The following MSRA variants were observed in gnomAD, a reference collection of about 807,000 sequenced individuals.
The protein encoded by MSRA is mitochondrial peptide methionine sulfoxide reductase.
In MSRA, 54 loss-of-function variants were observed where a neutral mutation model predicts 31.3. The ratio of observed to expected loss-of-function variants is 1.73; its 90% confidence interval spans 1.39 to 2.17. The LOEUF (loss-of-function observed/expected upper bound fraction) is 2.17. Among genes scored for constraint, MSRA ranks in the 30% most tolerant of loss-of-function variants. The pLI is 0.00. For missense variants in MSRA, 507 were observed against 300.9 expected (o/e 1.69, Z -5.07); for synonymous variants, 169 against 116.5 (o/e 1.45, Z -2.90).
At chr8:10,178,819 G>GAAATA (rs1281015603) in intron 1 of MSRA, among the ~76,000 whole-genome samples, 1 of 152,162 alleles carries the variant, frequency 6.6e-6, no homozygotes, top group East Asian at 1.9e-4. Flanking sequence ...AAGAGGCAGG[G>GAAATA]AAATAAAATA....
At chr8:10,169,544 T>C (rs1253163832) in intron 1 of MSRA, among the ~76,000 whole-genome samples, 2 of 152,242 alleles carry the variant, frequency 1.3e-5, no homozygotes, top group Non-Finnish European at 2.9e-5. Flanking sequence ...CAAAAATCTC[T>C]GTGACTTTGT....
chr8:10,218,324 T>G (rs1810186864), intron 2 of MSRA, among the ~76,000 whole-genome samples: 1 of 151,910 alleles, frequency 6.6e-6, no homozygotes, highest in African/African-American at 2.4e-5. Context: ...TTTTGTATTT[T>G]TAGTAGGGAT....
intron 3 of MSRA, among the ~76,000 whole-genome samples, chr8:10,264,304 A>G (rs541857772): frequency 6.6e-6 from 1 of 152,314 alleles, no homozygotes; most frequent in East Asian, 1.9e-4. Context: ...TTAACCTCCT[A>G]TACTATTAGG....
Position 10,210,719 on chromosome 8 carries a change from A to G in MSRA, c.211+2818A>G, listed in dbSNP as rs115482672. Among the ~76,000 whole-genome samples the G allele has an allele frequency of 4.8e-3, 721 of 151,426 alleles. 1 individual carries two copies. The highest frequency in any genetic ancestry group is 0.016 in the African/African-American group (672 of 40,966). ...TCTTCATATTTTGTGATAAAATAGT[A>G]TCACTAATTATAATGTCATTTTTTT... On this transcript the variant is annotated intron_variant, in intron 2 of 5. Coordinates refer to ENST00000317173, the MANE Select transcript of MSRA (RefSeq NM_012331.5).
intron 3 of MSRA, among the ~76,000 whole-genome samples, chr8:10,283,836 T>TATATATATACACAC (rs1261287031): frequency 5.1e-4 from 27 of 53,148 alleles, no homozygotes; most frequent in African/African-American, 6.1e-4. Context: ...TATATATATA[T>TATATATATACACAC]ACACACACAC....
chr8:10,358,947 A>G (rs1804678451), intron 5 of MSRA, among the ~76,000 whole-genome samples: 2 of 152,096 alleles, frequency 1.3e-5, no homozygotes, highest in Admixed American at 6.5e-5. Flanking sequence ...TCTAGGTTGT[A>G]CACTCCTTAT....
intron 5 of MSRA, among the ~76,000 whole-genome samples, chr8:10,415,736 C>G (rs7824225): frequency 0.5 from 75,840 of 151,304 alleles, 20,882 homozygotes; most frequent in Non-Finnish European, 0.63. Flanking sequence ...TCAGCACCCT[C>G]AGATACACCT....
rs563476607 is a variant in MSRA, at chr8:10,394,281, C to T, written c.544-33867C>T. Among the ~76,000 whole-genome samples, 12 of 152,258 alleles carry T rather than the reference C, an allele frequency of 7.9e-5. No homozygotes were observed. The East Asian group carries it at 1.7e-3, about 22-fold the overall frequency. On this transcript the variant is annotated intron_variant, in intron 5 of 5. Transcript: ENST00000317173. ...GCAGCCAGAACCCTGTAGTCCCCAG[C>T]GACGATAGTTTGTATTTTCAAATAC... is the stretch of plus-strand genomic sequence containing the variant.
At chr8:10,068,455 G>T (rs568376935) in intron 1 of MSRA, among the ~76,000 whole-genome samples, 1 of 152,176 alleles carries the variant, frequency 6.6e-6, no homozygotes, top group Non-Finnish European at 1.5e-5. Flanking sequence ...TTTGCATTTA[G>T]CTATGTGATC....
At chr8:10,206,486 T>C (rs1312037513) in intron 1 of MSRA, among the ~76,000 whole-genome samples, 1 of 152,226 alleles carries the variant, frequency 6.6e-6, no homozygotes, top group Non-Finnish European at 1.5e-5. Flanking sequence ...CCCTAAGGGC[T>C]ACAGGCAGCT....
chr8:10,197,820 G>A (rs1808125855), intron 1 of MSRA, among the ~76,000 whole-genome samples: 1 of 152,194 alleles, frequency 6.6e-6, no homozygotes, highest in Non-Finnish European at 1.5e-5. Flanking sequence ...GTTTATTCTG[G>A]AAGTCCCCGA....
intron 5 of MSRA, among the ~76,000 whole-genome samples, chr8:10,373,190 C>T (rs563254154): frequency 7.9e-5 from 12 of 152,220 alleles, no homozygotes; most frequent in Non-Finnish European, 1.8e-4. Context: ...CGCGCCCAGC[C>T]GCTAAGTGAT....
intron 2 of MSRA, among the ~76,000 whole-genome samples, chr8:10,213,818 A>G (rs895183497): frequency 2.0e-5 from 3 of 151,976 alleles, no homozygotes; most frequent in Non-Finnish European, 4.4e-5. Flanking sequence ...CGATACACTG[A>G]TTTCCTCTCT....
intron 4 of MSRA, among the ~76,000 whole-genome samples, chr8:10,305,854 G>A (rs1043286505): frequency 1.3e-5 from 2 of 152,154 alleles, no homozygotes; most frequent in Non-Finnish European, 2.9e-5. Context: ...GCCACTCCAC[G>A]GATTAGCCTA....
At chr8:10,171,974 G>T (rs904964979) in intron 1 of MSRA, among the ~76,000 whole-genome samples, 1 of 152,212 alleles carries the variant, frequency 6.6e-6, no homozygotes, top group Non-Finnish European at 1.5e-5. Context: ...GGAACCAGAG[G>T]AACTTAGGTT....
At chr8:10,067,355 A>C (rs1201988720) in intron 1 of MSRA, among the ~76,000 whole-genome samples, 1 of 152,196 alleles carries the variant, frequency 6.6e-6, no homozygotes, top group Non-Finnish European at 1.5e-5. Flanking sequence ...TGGATAGCCA[A>C]ATTTCTTTTT....
intron 1 of MSRA, among the ~76,000 whole-genome samples, chr8:10,159,211 G>C (rs1661703646): frequency 6.6e-6 from 1 of 152,196 alleles, no homozygotes; most frequent in Non-Finnish European, 1.5e-5. Flanking sequence ...TGTGAGGATT[G>C]GGGAGCGCTG....
rs891043070 is a variant in MSRA, at chr8:10,428,537, C to G, written c.*225C>G. ...TGGTGGGAGTGGAGCTGTGCAGTTT[C>G]CTGTGTCTTCTGGGGTCTGAGTGAA... is the stretch of plus-strand genomic sequence containing the variant. On this transcript the variant is annotated 3_prime_UTR_variant, in exon 6 of 6. Coordinates refer to ENST00000317173, the MANE Select transcript of MSRA (RefSeq NM_012331.5). 6.1e-6 allele frequency: 3 copies of G among 491,506 alleles called. 1 individual carries two copies. Among genetic ancestry groups the G allele is most frequent in the Non-Finnish European group, 3.6e-6 (1 of 276,012 alleles). The allele number at this position is 491,506 out of a possible 1,614,324, so 30.4% of individuals were successfully genotyped here.
chr8:10,341,685 C>G (rs1803435840), intron 5 of MSRA, among the ~76,000 whole-genome samples: 1 of 152,164 alleles, frequency 6.6e-6, no homozygotes, highest in Non-Finnish European at 1.5e-5. Context: ...AACCTCTCAG[C>G]CTGTTTCCTA....
Sources: gnomAD v4.1 joint callset for allele counts (sites outside exome capture counted in the v4.1 genomes callset) on GRCh38, gnomAD v4.1.1 for gene constraint, MANE v1.5 for transcripts, NCBI Gene and HGNC (gene_info 2026-07-23, HGNC 2026-07-21) for gene names.